MRTFB: variants seen among roughly 807,000 people sequenced by gnomAD.
MRTFB encodes the protein myocardin-related transcription factor B.
MRTFB carries 29 observed loss-of-function variants against 104.2 expected under a neutral mutation model. That is an observed-to-expected ratio of 0.28 (90% CI 0.21 to 0.38). The LOEUF (loss-of-function observed/expected upper bound fraction) is 0.38. Among genes scored for constraint, MRTFB ranks in the 10% least tolerant of loss-of-function variants. The pLI is 1.00. For missense variants in MRTFB, 1,270 were observed against 1,341.6 expected (o/e 0.95, Z 0.83); for synonymous variants, 535 against 519.5 (o/e 1.03, Z -0.41).
chr16:14,158,149 A>G (rs1247203648), intron 3 of MRTFB, among the ~76,000 whole-genome samples: 1 of 152,226 alleles, frequency 6.6e-6, no homozygotes, highest in Admixed American at 6.5e-5. Context: ...TCTTCTCACA[A>G]AAACAAACCA....
chr16:14,131,437 G>A (rs6498502), intron 2 of MRTFB, among the ~76,000 whole-genome samples: 29,968 of 151,858 alleles, frequency 0.2, 5,038 homozygotes, highest in African/African-American at 0.45. Flanking sequence ...AAGCAACCAA[G>A]GAAAAAAATA....
chr16:14,041,362 C>T, the MRTFB span, among the ~76,000 whole-genome samples: 1 of 152,146 alleles, frequency 6.6e-6, no homozygotes, highest in East Asian at 1.9e-4. Flanking sequence ...AACCCTAGCC[C>T]CCGGCAACCG....
intron 3 of MRTFB, among the ~76,000 whole-genome samples, chr16:14,188,783 G>T (rs1236392090): frequency 6.6e-6 from 1 of 152,094 alleles, no homozygotes; most frequent in African/African-American, 2.4e-5. Flanking sequence ...AAGATGCCTT[G>T]TTAATGCCAG....
intron 3 of MRTFB, among the ~76,000 whole-genome samples, chr16:14,158,586 T>C (rs1190394540): frequency 6.6e-6 from 1 of 152,148 alleles, no homozygotes; most frequent in Non-Finnish European, 1.5e-5. Context: ...ACATGAAAGG[T>C]AGTTAATTAA....
chr16:14,102,352 T>G (rs2035749361), intron 2 of MRTFB, among the ~76,000 whole-genome samples: 1 of 152,196 alleles, frequency 6.6e-6, no homozygotes, highest in Admixed American at 6.5e-5. Flanking sequence ...AATCACGGGC[T>G]TAACGTCGCC....
At position 14,212,299 on chromosome 16, in the gene MRTFB, T is replaced by C. The variant is rs115352483; in HGVS notation, c.221-55T>C. 423 of 1,545,682 alleles carry C rather than the reference T, an allele frequency of 2.7e-4. No homozygotes were observed. In the African/African-American group the frequency reaches 4.7e-3, roughly 17 times the overall value. On this transcript the variant is annotated intron_variant, in intron 4 of 16. Transcript: ENST00000571589. ...GTTATCACCATGGTATACTATAACA[T>C]TGGACTGAAGTATGAACTCTATTTA... is the stretch of plus-strand genomic sequence containing the variant.
chr16:14,185,222 A>G (rs1448452974), intron 3 of MRTFB, among the ~76,000 whole-genome samples: 1 of 152,198 alleles, frequency 6.6e-6, no homozygotes, highest in African/African-American at 2.4e-5. Context: ...TCAGTTGACA[A>G]GAAGCATGTC....
chr16:14,197,613 T>C (rs1241986062), intron 3 of MRTFB, among the ~76,000 whole-genome samples: 1 of 152,224 alleles, frequency 6.6e-6, no homozygotes, highest in Non-Finnish European at 1.5e-5. Context: ...ATGCTCTAAG[T>C]ATACCATGCA....
At chr16:14,206,920 G>C (rs971828603) in intron 3 of MRTFB, among the ~76,000 whole-genome samples, 2 of 149,012 alleles carry the variant, frequency 1.3e-5, no homozygotes, top group Non-Finnish European at 3.0e-5. Context: ...TATGGGTGCA[G>C]ATAAAAGCTA....
chr16:14,099,593 T>C (rs1472947931), intron 2 of MRTFB, among the ~76,000 whole-genome samples: 3 of 151,890 alleles, frequency 2.0e-5, no homozygotes, highest in African/African-American at 7.2e-5. Context: ...AAGTGATCTA[T>C]CTACCTCGGC....
At chr16:14,151,411 T>C (rs1321700703) in intron 3 of MRTFB, 2 of 152,324 alleles carry the variant, frequency 1.3e-5, no homozygotes, top group South Asian at 2.1e-4. Context: ...TTGCAACACA[T>C]TTATTGAAAA....
chr16:14,096,645 C>G (rs2035391014), intron 2 of MRTFB, among the ~76,000 whole-genome samples: 2 of 152,100 alleles, frequency 1.3e-5, no homozygotes, highest in South Asian at 2.1e-4. Context: ...GTGATAAGTT[C>G]ATAAGCTTAC....
intron 3 of MRTFB, among the ~76,000 whole-genome samples, chr16:14,149,851 AAAG>A (rs1597081844): frequency 6.6e-6 from 1 of 152,350 alleles, no homozygotes; most frequent in South Asian, 2.1e-4. Context: ...ACCTAGTTTT[AAAG>A]AAGGAGGGCT....
intron 16 of MRTFB, among the ~76,000 whole-genome samples, chr16:14,259,063 A>C (rs1387663088): frequency 1.9e-5 from 2 of 104,360 alleles, no homozygotes. Context: ...TGACGTTGAC[A>C]TAGAGAATTG....
chr16:14,047,919 G>T, the MRTFB span, among the ~76,000 whole-genome samples: 1 of 152,124 alleles, frequency 6.6e-6, no homozygotes, highest in African/African-American at 2.4e-5. Flanking sequence ...GTCCCCCAAA[G>T]TCTTAACTCA....
At chr16:14,210,585 A>G (rs1021488132) in intron 4 of MRTFB, among the ~76,000 whole-genome samples, 4 of 152,212 alleles carry the variant, frequency 2.6e-5, no homozygotes, top group Non-Finnish European at 5.9e-5. Context: ...TTAAACTTTA[A>G]TATTTGTTTT....
At chr16:14,189,128 T>C (rs2040067059) in intron 3 of MRTFB, among the ~76,000 whole-genome samples, 1 of 152,206 alleles carries the variant, frequency 6.6e-6, no homozygotes, top group African/African-American at 2.4e-5. Flanking sequence ...TAAGGACGAT[T>C]TGCTGCTTCA....
intron 9 of MRTFB, among the ~76,000 whole-genome samples, chr16:14,238,322 T>TGA (rs1169241626): frequency 6.6e-6 from 1 of 151,916 alleles, no homozygotes; most frequent in Admixed American, 6.6e-5. Context: ...CAGGTGTCTA[T>TGA]GACAAAGGGG....
intron 8 of MRTFB, among the ~76,000 whole-genome samples, chr16:14,222,751 A>T (rs111959780): frequency 0.024 from 3,695 of 152,112 alleles, 64 homozygotes; most frequent in Middle Eastern, 0.085. Flanking sequence ...GCAAATCAAA[A>T]CCACAATGAG....
Sources: allele counts gnomAD v4.1 joint callset (sites outside exome capture counted in the v4.1 genomes callset), GRCh38; gene constraint gnomAD v4.1.1; transcripts MANE v1.5; gene names NCBI Gene and HGNC (gene_info 2026-07-23, HGNC 2026-07-21).